SLC49A4: variants seen among roughly 807,000 people sequenced by gnomAD.
The protein encoded by SLC49A4 is disrupted in renal cancer protein 2.
A neutral mutation model predicts 50.6 loss-of-function variants in SLC49A4; 36 were observed. The ratio of observed to expected loss-of-function variants is 0.71; its 90% CI spans 0.55 to 0.94. The LOEUF is 0.94. Among genes scored for constraint, SLC49A4 ranks in the 40% least tolerant of loss-of-function variants. The pLI, the probability that SLC49A4 is intolerant of heterozygous loss-of-function variation, is 0.00. For synonymous variants in SLC49A4, 248 were observed against 241.2 expected (o/e 1.03, Z -0.26); for missense variants, 503 against 605.7 (o/e 0.83, Z 1.78).
intron 2 of SLC49A4, among the ~76,000 whole-genome samples, chr3:122,811,542 T>C (rs1936300117): frequency 6.6e-6 from 1 of 152,214 alleles, no homozygotes; most frequent in South Asian, 2.1e-4. Flanking sequence ...TATACATGTC[T>C]TTAACCTACA....
chr3:122,877,020 C>G (rs1055905011), intron 8 of SLC49A4, among the ~76,000 whole-genome samples: 7 of 152,072 alleles, frequency 4.6e-5, no homozygotes, highest in African/African-American at 1.7e-4. Context: ...ATTAGAAAAC[C>G]ATGCTCATTT....
intron 6 of SLC49A4, 152 bp from the exon 7 acceptor site, chr3:122,859,923 A>G: frequency 1.5e-6 from 1 of 680,268 alleles, no homozygotes. Context: ...AAGTAACATC[A>G]TACAAGAAAA....
In SLC49A4 at chr3:122,842,353, G is replaced by T. The variant is rs1276671307; in HGVS notation, c.834-3410G>T. Among the ~76,000 whole-genome samples the T allele has an allele frequency of 2.6e-5, 4 of 152,022 alleles. No homozygotes were observed. In the South Asian group the frequency reaches 8.3e-4, roughly 32 times the overall value. On this transcript the variant is annotated intron_variant, in intron 4 of 8. Coordinates refer to ENST00000261038, the MANE Select transcript of SLC49A4 (RefSeq NM_032839.3). Reference sequence around the variant, plus strand: ...TACAAAAAATTAACCGGGCTTGGTAGCGGGTGCCTGTAGTCCCAGCTACTC... The same window carrying T: ...TACAAAAAATTAACCGGGCTTGGTATCGGGTGCCTGTAGTCCCAGCTACTC...
intron 7 of SLC49A4, among the ~76,000 whole-genome samples, chr3:122,861,354 C>CT (rs1282707550): frequency 6.6e-6 from 1 of 152,170 alleles, no homozygotes; most frequent in Non-Finnish European, 1.5e-5. Context: ...ACCAGAGACT[C>CT]TGTTATTACT....
intron 7 of SLC49A4, among the ~76,000 whole-genome samples, chr3:122,869,223 A>ACCC (rs5852316): frequency 9.3e-5 from 14 of 150,886 alleles, no homozygotes; most frequent in African/African-American, 2.4e-4. Context: ...CTCTCCTGTG[A>ACCC]CCCCCCCCAG....
chr3:122,798,546 A>G (rs1936083404), intron 1 of SLC49A4, among the ~76,000 whole-genome samples: 1 of 148,610 alleles, frequency 6.7e-6, no homozygotes, highest in Non-Finnish European at 1.5e-5. Context: ...ACACTTTTAT[A>G]TGTTGGCTTT....
At chr3:122,874,184 A>G (rs1437937180) in intron 8 of SLC49A4, among the ~76,000 whole-genome samples, 2 of 152,148 alleles carry the variant, frequency 1.3e-5, no homozygotes, top group Non-Finnish European at 2.9e-5. Context: ...ACTGCCCTAA[A>G]CTGTCTTACT....
At position 122,875,344 on chromosome 3, in the gene SLC49A4, A is replaced by C. The variant is rs145715293; in HGVS notation, c.1321+2747A>C. On this transcript the variant is annotated intron_variant, in intron 8 of 8. Transcript: ENST00000261038. The stretch of plus-strand genomic sequence containing the variant: ...TTCAACTATTAGTTATGTGATTAGA[A>C]GGCCTGAATTTTTTAGGGGTGGGGG... 3.2e-4 allele frequency among the ~76,000 whole-genome samples: 48 copies of C among 152,252 alleles called. No homozygotes were observed. In the East Asian group the frequency reaches 5.8e-3, roughly 18 times the overall value.
chr3:122,841,239 T>C (rs1936765280), intron 4 of SLC49A4, among the ~76,000 whole-genome samples: 1 of 152,252 alleles, frequency 6.6e-6, no homozygotes, highest in African/African-American at 2.4e-5. Context: ...CTAAACTTTT[T>C]TTCCACAGCA....
chr3:122,866,281 A>AT (rs1481880164), intron 7 of SLC49A4, among the ~76,000 whole-genome samples: 1 of 148,788 alleles, frequency 6.7e-6, no homozygotes, highest in Non-Finnish European at 1.5e-5. Context: ...AGCTTAAGCG[A>AT]TTCGCCCACC....
At position 122,795,181 on chromosome 3, in the gene SLC49A4, C is replaced by G; in HGVS notation, c.-12C>G. Reference sequence around the variant, plus strand: ...CTGCGCCCGGCAGTGGCTTCGCGGGCGACGCGTCGCCATGGGCTCTCGCTG... The same window carrying G: ...CTGCGCCCGGCAGTGGCTTCGCGGGGGACGCGTCGCCATGGGCTCTCGCTG... On this transcript the variant is annotated 5_prime_UTR_variant, in exon 1 of 9. Transcript: ENST00000261038. The G allele has an allele frequency of 7.6e-7, 1 of 1,315,034 alleles. No homozygotes were observed. The highest frequency in any genetic ancestry group is 9.6e-7 in the Non-Finnish European group (1 of 1,041,478). The allele number at this position is 1,315,034 out of a possible 1,614,324, so 81.5% of individuals were successfully genotyped here. A position where few individuals can be genotyped will look rare whatever the true frequency, so the allele number is the denominator to read the frequency against.
At chr3:122,865,160 C>G (rs1937101776) in intron 7 of SLC49A4, among the ~76,000 whole-genome samples, 1 of 151,966 alleles carries the variant, frequency 6.6e-6, no homozygotes, top group Non-Finnish European at 1.5e-5. Flanking sequence ...ACAGACAGCT[C>G]AAGGAAGAAA....
intron 2 of SLC49A4, among the ~76,000 whole-genome samples, chr3:122,810,071 T>G (rs1173942850): frequency 6.6e-6 from 1 of 152,196 alleles, no homozygotes; most frequent in African/African-American, 2.4e-5. Flanking sequence ...CATTTACAAG[T>G]CTGTGTTTTT....
At chr3:122,864,995 G>A (rs186976123) in intron 7 of SLC49A4, among the ~76,000 whole-genome samples, 199 of 152,278 alleles carry the variant, frequency 1.3e-3, no homozygotes, top group South Asian at 2.9e-3. Context: ...ATGACAGAGT[G>A]AGATCCTGTC....
chr3:122,864,895 C>G (rs1176380784), intron 7 of SLC49A4, among the ~76,000 whole-genome samples: 1 of 152,110 alleles, frequency 6.6e-6, no homozygotes, highest in Non-Finnish European at 1.5e-5. Flanking sequence ...TTTCTGTAAT[C>G]CCAGCTATTC....
chr3:122,802,523 CA>C (rs1220653901), intron 1 of SLC49A4, among the ~76,000 whole-genome samples: 1 of 151,982 alleles, frequency 6.6e-6, no homozygotes, highest in African/African-American at 2.4e-5. Flanking sequence ...GAAGGACTGC[CA>C]AAAAAGAGCA....
At chr3:122,852,567 A>AT (rs1261495129) in intron 5 of SLC49A4, among the ~76,000 whole-genome samples, 1 of 152,128 alleles carries the variant, frequency 6.6e-6, no homozygotes, top group Non-Finnish European at 1.5e-5. Context: ...GAGAATTTAT[A>AT]TTTTTTCTGG....
At chr3:122,842,473 G>A (rs994182057) in intron 4 of SLC49A4, among the ~76,000 whole-genome samples, 10 of 107,144 alleles carry the variant, frequency 9.3e-5, no homozygotes, top group South Asian at 3.4e-4. Flanking sequence ...GCGACAGAGC[G>A]AGACTCCGTC....
rs1418015514 is a variant in SLC49A4 at position 122,879,944 on chromosome 3, T to G, written c.*566T>G. ...CTTATTTTAATCAGGTCAGAAGCCC[T>G]TGGCCATCTTTACTATGGTGATCAG... On this transcript the variant is annotated 3_prime_UTR_variant, in exon 9 of 9. Coordinates refer to ENST00000261038, the MANE Select transcript of SLC49A4 (RefSeq NM_032839.3). 6.5e-6 allele frequency: 1 copy of G among 152,750 alleles called. No homozygotes were observed. Among genetic ancestry groups the G allele is most frequent in the Non-Finnish European group, 1.5e-5 (1 of 68,124 alleles). The allele number at this position is 152,750 out of a possible 1,614,324, so 9.5% of individuals were successfully genotyped here. A position where few individuals can be genotyped will look rare whatever the true frequency, so the allele number is the denominator to read the frequency against.
Sources: gnomAD v4.1 joint callset for allele counts (sites outside exome capture counted in the v4.1 genomes callset) on GRCh38, gnomAD v4.1.1 for gene constraint, MANE v1.5 for transcripts, NCBI Gene and HGNC (gene_info 2026-07-23, HGNC 2026-07-21) for gene names.